Variants in PCDH9 observed in about 807,000 individuals in gnomAD.
PCDH9 encodes protocadherin 9.
In PCDH9, 24 loss-of-function variants were observed where a neutral mutation model predicts 70.6. That is an observed-to-expected ratio of 0.34 (90% CI 0.25 to 0.48). The LOEUF is 0.48. PCDH9 is among the 20% of genes least tolerant of loss of function. PCDH9 has a pLI of 0.99. For synonymous variants in PCDH9, 562 were observed against 558.5 expected, an observed-to-expected ratio of 1.01 and a Z score of -0.09; for missense variants, 1,281 against 1,503.6, an observed-to-expected ratio of 0.85 and a Z score of 2.45.
intron 2 of PCDH9, chr13:67,222,165 T>G (rs1248056578): frequency 6.6e-6 from 1 of 152,036 alleles, no homozygotes; most frequent in African/African-American, 2.4e-5. Flanking sequence ...ACCAATGAAT[T>G]TTATCATTTA....
chr13:66,333,654 T>C (rs1029979177), intron 4 of PCDH9, among the ~76,000 whole-genome samples: 18 of 152,168 alleles, frequency 1.2e-4, no homozygotes, highest in Non-Finnish European at 5.9e-5. Flanking sequence ...CAGACTTCTT[T>C]CAGAAAAAAG....
At chr13:67,005,849 C>T (rs1165216577) in intron 2 of PCDH9, among the ~76,000 whole-genome samples, 8 of 152,168 alleles carry the variant, frequency 5.3e-5, no homozygotes, top group Non-Finnish European at 5.9e-5. Context: ...TGCCCTATAG[C>T]CAGAATGGCC....
intron 4 of PCDH9, among the ~76,000 whole-genome samples, chr13:66,477,136 G>C (rs557902370): frequency 4.9e-4 from 75 of 152,196 alleles, no homozygotes; most frequent in African/African-American, 1.8e-3. Context: ...GTGCATGTCT[G>C]TCTAACGAGA....
chr13:66,319,766 T>G (rs958761598), intron 4 of PCDH9, among the ~76,000 whole-genome samples: 1 of 152,052 alleles, frequency 6.6e-6, no homozygotes, highest in Admixed American at 6.6e-5. Context: ...ACTTGTAATA[T>G]AAAAGTCAAA....
intron 2 of PCDH9, among the ~76,000 whole-genome samples, chr13:67,054,196 G>A (rs1441505955): frequency 6.6e-6 from 1 of 152,186 alleles, no homozygotes; most frequent in Non-Finnish European, 1.5e-5. Flanking sequence ...AATGTTAATA[G>A]TTCACACTGA....
chr13:66,887,747 T>C (rs2082031304), intron 3 of PCDH9, among the ~76,000 whole-genome samples: 1 of 152,214 alleles, frequency 6.6e-6, no homozygotes, highest in Non-Finnish European at 1.5e-5. Flanking sequence ...ATCTCTGGTA[T>C]TGTAAATAAA....
At chr13:67,130,011 T>C (rs2087073129) in intron 2 of PCDH9, among the ~76,000 whole-genome samples, 1 of 152,204 alleles carries the variant, frequency 6.6e-6, no homozygotes, top group African/African-American at 2.4e-5. Context: ...GCAATAGACT[T>C]TTCTTTTAGG....
chr13:67,021,347 AT>A (rs1777561173), intron 2 of PCDH9, among the ~76,000 whole-genome samples: 1 of 152,232 alleles, frequency 6.6e-6, no homozygotes, highest in Non-Finnish European at 1.5e-5. Context: ...TAAATACTTA[AT>A]AAATGAACGT....
At chr13:67,141,349 A>G (rs2087381794) in intron 2 of PCDH9, among the ~76,000 whole-genome samples, 1 of 152,094 alleles carries the variant, frequency 6.6e-6, no homozygotes, top group African/African-American at 2.4e-5. Context: ...GCATTTTGGG[A>G]GGCTGAAGCA....
intron 3 of PCDH9, among the ~76,000 whole-genome samples, chr13:66,789,508 T>A (rs1052131170): frequency 1.3e-5 from 2 of 152,242 alleles, no homozygotes; most frequent in East Asian, 3.9e-4. Context: ...GTTTATTTTT[T>A]TTTATTTTTT....
At chr13:66,788,332 A>AT (rs1440108608) in intron 3 of PCDH9, among the ~76,000 whole-genome samples, 3 of 152,192 alleles carry the variant, frequency 2.0e-5, no homozygotes, top group African/African-American at 7.2e-5. Context: ...TGCATTGCAG[A>AT]TTAAGTTTTC....
At chr13:66,339,452 C>T (rs1956090998) in intron 4 of PCDH9, among the ~76,000 whole-genome samples, 1 of 152,052 alleles carries the variant, frequency 6.6e-6, no homozygotes, top group Non-Finnish European at 1.5e-5. Flanking sequence ...GAGAGAACCA[C>T]ATTCCTCTGG....
intron 4 of PCDH9, among the ~76,000 whole-genome samples, chr13:66,338,994 C>A (rs1956082549): frequency 6.6e-6 from 1 of 152,002 alleles, no homozygotes; most frequent in South Asian, 2.1e-4. Flanking sequence ...GTGGCAGATT[C>A]TTGGCAGTGT....
intron 4 of PCDH9, among the ~76,000 whole-genome samples, chr13:66,350,300 T>G (rs143633716): frequency 1.5e-3 from 223 of 152,336 alleles, no homozygotes; most frequent in African/African-American, 5.2e-3. Context: ...AGGCTGAACA[T>G]CTTCAGGTAA....
intron 2 of PCDH9, among the ~76,000 whole-genome samples, chr13:67,168,437 G>T (rs770527191): frequency 5.9e-5 from 9 of 152,074 alleles, no homozygotes; most frequent in Admixed American, 1.3e-4. Context: ...AAAGTGGTAA[G>T]AAAGGTCAAG....
rs71106977 is a variant in PCDH9 at position 66,545,809 on chromosome 13, CTTTAT to C, written c.3340+85396_3340+85400del. 9.9e-3 allele frequency among the ~76,000 whole-genome samples: 1,415 copies of C among 143,464 alleles called. 11 individuals carry two copies. Among genetic ancestry groups the C allele is most frequent in the Non-Finnish European group, 0.014 (923 of 64,818 alleles). The allele number at this position is 143,464 out of a possible 152,430, so 94.1% of individuals were successfully genotyped here. The stretch of plus-strand genomic sequence containing the variant: ...TGCTATACCTTTCATTTTTATTTTA[CTTTAT>C]TTTATTTTATTTTATTTTATTTATT... On this transcript the variant is annotated intron_variant, in intron 4 of 4. Transcript: ENST00000377865.
intron 3 of PCDH9, among the ~76,000 whole-genome samples, chr13:66,733,464 A>G (rs753160051): frequency 7.9e-5 from 12 of 152,164 alleles, no homozygotes; most frequent in Non-Finnish European, 2.9e-5. Context: ...ACAAAGTACA[A>G]ACCAATGACA....
intron 2 of PCDH9, among the ~76,000 whole-genome samples, chr13:66,934,876 A>G (rs112276839): frequency 2.6e-3 from 371 of 145,056 alleles, no homozygotes; most frequent in Non-Finnish European, 4.5e-3. Context: ...GCCCGCTACC[A>G]CGCCCGGCTA....
chr13:66,957,182 T>C (rs1363229426), intron 2 of PCDH9, among the ~76,000 whole-genome samples: 2 of 152,336 alleles, frequency 1.3e-5, no homozygotes, highest in African/African-American at 2.4e-5. Flanking sequence ...CATCACACTA[T>C]TGACTAATAT....
Sources: allele counts gnomAD v4.1 joint callset (sites outside exome capture counted in the v4.1 genomes callset), GRCh38; gene constraint gnomAD v4.1.1; transcripts MANE v1.5; gene names NCBI Gene and HGNC (gene_info 2026-07-23, HGNC 2026-07-21).